ENTREP2: variants seen among roughly 807,000 people sequenced by gnomAD.
ENTREP2 encodes the protein endosomal transmembrane epsin interactor 2, also known as protein ENTREP2.
the ENTREP2 span, chr15:29,234,831 A>G: frequency 1.3e-4 from 186 of 1,414,616 alleles, no homozygotes; most frequent in Non-Finnish European, 1.7e-4. Flanking sequence ...GTGCAAGGTA[A>G]GAACTTTGCA....
chr15:29,598,729 C>T, the ENTREP2 span, among the ~76,000 whole-genome samples: 7 of 152,030 alleles, frequency 4.6e-5, no homozygotes, highest in Admixed American at 1.3e-4. Flanking sequence ...CGGAGTCTCG[C>T]TTTGTCGCCC....
chr15:29,576,957 G>A, the ENTREP2 span, among the ~76,000 whole-genome samples: 3 of 151,686 alleles, frequency 2.0e-5, no homozygotes, highest in South Asian at 2.1e-4. Context: ...ACAGGCGCCC[G>A]CCACCGCACC....
chr15:29,489,731 G>A, the ENTREP2 span, among the ~76,000 whole-genome samples: 2 of 152,158 alleles, frequency 1.3e-5, no homozygotes. Context: ...GAACTTAACA[G>A]CACTCTAGGT....
At chr15:29,330,160 CGAGCGCGGCAGCTCATGCCTATAA>C in the ENTREP2 span, among the ~76,000 whole-genome samples, 1 of 151,958 alleles carries the variant, frequency 6.6e-6, no homozygotes, top group African/African-American at 2.4e-5. Context: ...CAGTCTTGGC[CGAGCGCGGCAGCTCATGCCTATAA>C]TCCCAGCACT....
the ENTREP2 span, among the ~76,000 whole-genome samples, chr15:29,151,279 A>G: frequency 7.9e-5 from 12 of 152,306 alleles, no homozygotes; most frequent in Admixed American, 7.2e-4. Context: ...CCTCTGGAGT[A>G]TGAGCTCAGG....
chr15:29,669,547 T>C, the ENTREP2 span, among the ~76,000 whole-genome samples: 1 of 152,128 alleles, frequency 6.6e-6, no homozygotes, highest in Non-Finnish European at 1.5e-5. Context: ...TTTCAAATAT[T>C]CTATTATATG....
At chr15:29,335,248 AAC>A in the ENTREP2 span, among the ~76,000 whole-genome samples, 1 of 152,204 alleles carries the variant, frequency 6.6e-6, no homozygotes. Context: ...TCCAGACTCG[AAC>A]AGTTAGATGG....
chr15:29,554,310 G>A, the ENTREP2 span, among the ~76,000 whole-genome samples: 138 of 138,784 alleles, frequency 9.9e-4, no homozygotes, highest in Non-Finnish European at 2.0e-3. Flanking sequence ...GCGAGACTCC[G>A]TCTCAAAAAA....
At chr15:29,634,413 C>T in the ENTREP2 span, among the ~76,000 whole-genome samples, 1 of 152,164 alleles carries the variant, frequency 6.6e-6, no homozygotes, top group Admixed American at 6.5e-5. Flanking sequence ...CTACAACCCC[C>T]ACTCCTGTTT....
chr15:29,402,127 C>A, the ENTREP2 span, among the ~76,000 whole-genome samples: 10 of 151,974 alleles, frequency 6.6e-5, no homozygotes, highest in Admixed American at 6.6e-4. Flanking sequence ...TCTAAGAATT[C>A]CCAGTATTAA....
At chr15:29,182,678 A>G in the ENTREP2 span, among the ~76,000 whole-genome samples, 6 of 152,032 alleles carry the variant, frequency 3.9e-5, no homozygotes, top group South Asian at 8.3e-4. Context: ...GAGAGAAGGG[A>G]GAGAGAAGAG....
At chr15:29,246,088 A>C in the ENTREP2 span, among the ~76,000 whole-genome samples, 1 of 152,208 alleles carries the variant, frequency 6.6e-6, no homozygotes, top group African/African-American at 2.4e-5. Flanking sequence ...TGAGTAATGA[A>C]TATGTACAAA....
chr15:29,279,640 G>A, the ENTREP2 span, among the ~76,000 whole-genome samples: 2 of 152,152 alleles, frequency 1.3e-5, no homozygotes, highest in East Asian at 3.9e-4. Context: ...TGGGATTACA[G>A]GCATGAGCCA....
At chr15:29,394,612 T>C in the ENTREP2 span, among the ~76,000 whole-genome samples, 1 of 152,290 alleles carries the variant, frequency 6.6e-6, no homozygotes, top group South Asian at 2.1e-4. Context: ...CATTTTTAAG[T>C]GTACACTCAG....
At chr15:29,402,258 A>ATC in the ENTREP2 span, among the ~76,000 whole-genome samples, 1 of 137,692 alleles carries the variant, frequency 7.3e-6, no homozygotes, top group African/African-American at 2.6e-5. Context: ...AAGAATATAT[A>ATC]TATATATACA....
At chr15:29,371,429 C>T in the ENTREP2 span, among the ~76,000 whole-genome samples, 1 of 151,174 alleles carries the variant, frequency 6.6e-6, no homozygotes, top group Non-Finnish European at 1.5e-5. Flanking sequence ...CCTTCATTAA[C>T]ATAGTCCTTC....
the ENTREP2 span, among the ~76,000 whole-genome samples, chr15:29,516,536 T>C: frequency 6.6e-6 from 1 of 151,818 alleles, no homozygotes; most frequent in East Asian, 1.9e-4. Context: ...GCATAAAAAC[T>C]TGGACAAGAA....
the ENTREP2 span, among the ~76,000 whole-genome samples, chr15:29,400,505 G>T: frequency 6.6e-6 from 1 of 152,086 alleles, no homozygotes; most frequent in Admixed American, 6.6e-5. Context: ...AAGGGGAAAA[G>T]AAAATCTACG....
At chr15:29,630,200 C>T in the ENTREP2 span, among the ~76,000 whole-genome samples, 1 of 152,072 alleles carries the variant, frequency 6.6e-6, no homozygotes, top group South Asian at 2.1e-4. Flanking sequence ...CTGCGAATGT[C>T]TTTATCCTTC....
Sources: allele counts gnomAD v4.1 joint callset (sites outside exome capture counted in the v4.1 genomes callset), GRCh38; gene constraint gnomAD v4.1.1; transcripts MANE v1.5; gene names NCBI Gene and HGNC (gene_info 2026-07-23, HGNC 2026-07-21).